KDM4C: variants seen among roughly 807,000 people sequenced by gnomAD.
The protein encoded by KDM4C is lysine-specific demethylase 4C.
KDM4C carries 81 observed loss-of-function variants against 129.3 expected under a neutral mutation model. The ratio of observed to expected loss-of-function variants is 0.63; its 90% confidence interval spans 0.52 to 0.75. The LOEUF is 0.75. Ranked by LOEUF, KDM4C falls within the 30% of genes least tolerant of loss-of-function variation. The pLI, the probability that KDM4C is intolerant of heterozygous loss-of-function variation, is 0.00. For missense variants in KDM4C, 1,457 were observed against 1,304.0 expected, an observed-to-expected ratio of 1.12 and a Z score of -1.81; for synonymous variants, 573 against 456.1, an observed-to-expected ratio of 1.26 and a Z score of -3.26.
intron 8 of KDM4C, among the ~76,000 whole-genome samples, chr9:6,894,433 A>G (rs1219351601): frequency 6.6e-6 from 1 of 152,218 alleles, no homozygotes; most frequent in Non-Finnish European, 1.5e-5. Context: ...CAACCACTGC[A>G]TTGCTTTTGT....
chr9:6,907,083 CAA>C (rs1818452559), intron 8 of KDM4C, among the ~76,000 whole-genome samples: 1 of 152,074 alleles, frequency 6.6e-6, no homozygotes, highest in Non-Finnish European at 1.5e-5. Context: ...AGGATTGACT[CAA>C]TAGATTTTTA....
chr9:7,046,797 G>C, intron 15 of KDM4C, 65 bp from the exon 16 acceptor site: 1 of 1,047,518 alleles, frequency 9.5e-7, no homozygotes, highest in Non-Finnish European at 1.5e-6. Context: ...AGAATATTTA[G>C]ATGAATGGTA....
At chr9:6,745,525 A>T (rs1405352853) in intron 1 of KDM4C, among the ~76,000 whole-genome samples, 1 of 149,036 alleles carries the variant, frequency 6.7e-6, no homozygotes, top group Non-Finnish European at 1.5e-5. Context: ...GTAGCTCAGG[A>T]TCACAGAGGA....
chr9:7,119,076 A>G (rs578057449), intron 18 of KDM4C, among the ~76,000 whole-genome samples: 1 of 152,190 alleles, frequency 6.6e-6, no homozygotes, highest in Non-Finnish European at 1.5e-5. Flanking sequence ...GCATATGTCC[A>G]CTTGAGTATT....
intron 1 of KDM4C, among the ~76,000 whole-genome samples, chr9:6,764,198 C>T (rs1461487413): frequency 6.6e-6 from 1 of 152,190 alleles, no homozygotes; most frequent in East Asian, 1.9e-4. Flanking sequence ...GGAGTACTTA[C>T]AATAGGCTGC....
intron 1 of KDM4C, among the ~76,000 whole-genome samples, chr9:6,748,050 C>T (rs963391995): frequency 5.9e-5 from 9 of 151,970 alleles, no homozygotes; most frequent in African/African-American, 1.7e-4. Context: ...TGGTGGCATG[C>T]GCCTATGAGG....
chr9:6,725,765 A>C lies in KDM4C; in HGVS notation c.49+4768A>C, dbSNP rs1185890211. Among the ~76,000 whole-genome samples, 5 of 140,712 alleles carry C rather than the reference A, an allele frequency of 3.6e-5. No homozygotes were observed. The East Asian group carries it at 8.1e-4, about 23-fold the overall frequency. 92.3% of individuals were successfully genotyped at this position (140,712 alleles called of 152,430 possible). On this transcript the variant is annotated intron_variant, in intron 1 of 17. Transcript: ENST00000536108. ...GGATCTGTTGCCCAGGCTGGAGTGC[A>C]GTGGTGCGATCTCGGCTCACTGCAA...
chr9:6,970,545 G>A (rs1727812910), intron 8 of KDM4C, among the ~76,000 whole-genome samples: 1 of 152,154 alleles, frequency 6.6e-6, no homozygotes, highest in Non-Finnish European at 1.5e-5. Context: ...ACATTTCATA[G>A]AGAGGGGAAA....
Position 7,052,894 on chromosome 9 carries a change from A to AGAGAGAGAGAGAGAGAGAGAGAGAGCGC in KDM4C, c.2424+3701_2424+3702insAGAGAGAGAGAGAGAGAGCGCGAGAGAG, listed in dbSNP as rs1339242817. Among the ~76,000 whole-genome samples the AGAGAGAGAGAGAGAGAGAGAGAGAGCGC allele has an allele frequency of 5.7e-5, 6 of 105,468 alleles. 1 individual carries two copies. Among genetic ancestry groups the AGAGAGAGAGAGAGAGAGAGAGAGAGCGC allele is most frequent in the Non-Finnish European group, 1.0e-4 (5 of 49,280 alleles). The allele number at this position is 105,468 out of a possible 152,430, so 69.2% of individuals were successfully genotyped here. A position where few individuals can be genotyped will look rare whatever the true frequency, so the allele number is the denominator to read the frequency against. On this transcript the variant is annotated intron_variant, in intron 17 of 21. Coordinates refer to ENST00000381309, the MANE Select transcript of KDM4C (RefSeq NM_015061.6). ...GAGAGAGAGAGAGAGAGAGAGAGAGAGAGAGAGCGAGCGAGTGCCCAAGGG... is the reference window on the plus strand; with the variant it reads ...GAGAGAGAGAGAGAGAGAGAGAGAGAGAGAGAGAGAGAGAGAGAGAGAGAGCGCGAGAGAGCGAGCGAGTGCCCAAGGG...
At chr9:7,119,316 T>G (rs138176385) in intron 18 of KDM4C, among the ~76,000 whole-genome samples, 4 of 152,192 alleles carry the variant, frequency 2.6e-5, no homozygotes, top group Non-Finnish European at 5.9e-5. Flanking sequence ...AAAATCTTTT[T>G]AATAATTATG....
At chr9:6,892,252 ATATAT>A (rs563360852) in intron 7 of KDM4C, among the ~76,000 whole-genome samples, 247 of 152,268 alleles carry the variant, frequency 1.6e-3, no homozygotes, top group Middle Eastern at 6.8e-3. Flanking sequence ...TCCAAAACAA[ATATAT>A]TATATTATTC....
chr9:7,071,902 T>C (rs889131818), intron 17 of KDM4C, among the ~76,000 whole-genome samples: 3 of 152,100 alleles, frequency 2.0e-5, no homozygotes, highest in African/African-American at 7.2e-5. Context: ...GACAGAATAT[T>C]TGCACAACAC....
At chr9:6,938,830 A>G (rs530076595) in intron 8 of KDM4C, among the ~76,000 whole-genome samples, 4 of 149,672 alleles carry the variant, frequency 2.7e-5, no homozygotes, top group African/African-American at 9.7e-5. Flanking sequence ...TTATATAAAT[A>G]TTTATTTTTC....
chr9:6,910,379 A>G (rs1819071021), intron 8 of KDM4C, among the ~76,000 whole-genome samples: 1 of 152,180 alleles, frequency 6.6e-6, no homozygotes, highest in South Asian at 2.1e-4. Context: ...AGAATAGATA[A>G]TGTTATTACC....
intron 1 of KDM4C, among the ~76,000 whole-genome samples, chr9:6,778,302 C>G (rs1823535386): frequency 6.6e-6 from 1 of 150,588 alleles, no homozygotes; most frequent in African/African-American, 2.4e-5. Context: ...GTTGGCCAGG[C>G]TGGTCTTGAA....
rs142496594 is a variant in KDM4C, at chr9:6,722,190, G to A, written c.49+1193G>A. On this transcript the variant is annotated intron_variant, in intron 1 of 17. Coordinates refer to the KDM4C transcript ENST00000536108. ...ACGAAGCCTTTTTGGAAGAAAGAGG[G>A]ATGTGGGCCAGGTTAAGGGCTGTGA... is the stretch of plus-strand genomic sequence containing the variant. 2.4e-4 allele frequency among the ~76,000 whole-genome samples: 36 copies of A among 152,278 alleles called. No individual in the cohort carries two copies. The East Asian group carries it at 5.8e-3, about 24-fold the overall frequency.
chr9:6,826,323 T>G (rs1833862444), intron 4 of KDM4C, among the ~76,000 whole-genome samples: 1 of 152,126 alleles, frequency 6.6e-6, no homozygotes, highest in Non-Finnish European at 1.5e-5. Context: ...ATATAAACAT[T>G]ACATATGAAA....
intron 8 of KDM4C, among the ~76,000 whole-genome samples, chr9:6,941,003 C>G (rs1435254344): frequency 6.6e-6 from 1 of 151,720 alleles, no homozygotes; most frequent in Non-Finnish European, 1.5e-5. Flanking sequence ...TAGACTGATT[C>G]CCTCATGCTT....
At chr9:7,039,014 G>T (rs543589422) in intron 15 of KDM4C, among the ~76,000 whole-genome samples, 1 of 151,778 alleles carries the variant, frequency 6.6e-6, no homozygotes, top group East Asian at 1.9e-4. Flanking sequence ...TAATTATGTT[G>T]TATTTTATTC....
Sources: gnomAD v4.1 joint callset for allele counts (sites outside exome capture counted in the v4.1 genomes callset) on GRCh38, gnomAD v4.1.1 for gene constraint, MANE v1.5 for transcripts, NCBI Gene and HGNC (gene_info 2026-07-23, HGNC 2026-07-21) for gene names.